Variants in ZNF559 observed in about 807,000 individuals in gnomAD.
ZNF559 encodes the protein putative protein product of Nbla00121.
In ZNF559, 17 loss-of-function variants were observed where a neutral mutation model predicts 14.2. The observed-to-expected ratio is 1.20, with a 90% CI of 0.82 to 1.80. ZNF559 has a LOEUF of 1.80. ZNF559 is among the 40% of genes most tolerant of loss of function. The probability of loss-of-function intolerance (pLI) is 0.00; values close to 1 mark genes in which losing one functional copy is unlikely to be tolerated. For synonymous variants in ZNF559, 244 were observed against 212.4 expected, an observed-to-expected ratio of 1.15 and a Z score of -1.29; for missense variants, 740 against 629.7, an observed-to-expected ratio of 1.18 and a Z score of -1.88.
Position 9,344,741 on chromosome 19 carries a change from C to T in ZNF559, c.*1673C>T, listed in dbSNP as rs2067693885. On this transcript the variant is annotated 3_prime_UTR_variant, in exon 7 of 7. Coordinates refer to ENST00000603380, the MANE Select transcript of ZNF559 (RefSeq NM_032497.3). ...GTCTTTAAAGACTAATGATATTGAA[C>T]ATCACTTTCATATGCTTATGAGTCT... is the stretch of plus-strand genomic sequence containing the variant. The T allele has an allele frequency of 6.6e-6, 1 of 152,158 alleles. No individual in the cohort carries two copies. Among genetic ancestry groups the T allele is most frequent in the South Asian group, 2.1e-4 (1 of 4,838 alleles). 9.4% of individuals were successfully genotyped at this position (152,158 alleles called of 1,614,324 possible). A position where few individuals can be genotyped will look rare whatever the true frequency, so the allele number is the denominator to read the frequency against.
At chr19:9,335,518 C>G (rs927931425) in intron 2 of ZNF559, among the ~76,000 whole-genome samples, 1 of 152,166 alleles carries the variant, frequency 6.6e-6, no homozygotes, top group African/African-American at 2.4e-5. Flanking sequence ...ATGTGTGATT[C>G]AGCATTTCAT....
intron 2 of ZNF559, among the ~76,000 whole-genome samples, chr19:9,325,826 A>G (rs1158427685): frequency 6.6e-6 from 1 of 151,614 alleles, no homozygotes; most frequent in East Asian, 1.9e-4. Context: ...AACTACATTC[A>G]CTAGTTGTTA....
chr19:9,341,155 C>T lies in ZNF559; in HGVS notation c.214C>T (p.Gln72Ter), dbSNP rs1413463305. The change falls in exon 6 of 7, where the codon CAG becomes TAG. Residue 72 changes from glutamine to a stop codon, truncating the protein, a stop_gained. Transcript: ENST00000603380. LOFTEE classifies it low-confidence loss of function (END_TRUNC). The stretch of plus-strand genomic sequence containing the variant: ...GTCAGCACCTCAGCAGAATTTTTTG[C>T]AGGGGAAAACATCCAGTGTGGTGGA... ...KWSAPQQNFL[Q>*]GKTSSVVEME... 1.9e-6 allele frequency: 3 copies of T among 1,613,178 alleles called. No homozygotes were observed. Among genetic ancestry groups the T allele is most frequent in the Admixed American group, 1.7e-5 (1 of 59,844 alleles).
Position 9,342,195 on chromosome 19 carries a change from A to G in ZNF559, c.744A>G (p.Lys248=), listed in dbSNP as rs1292591461. The G allele has an allele frequency of 6.2e-7, 1 of 1,605,046 alleles. No individual in the cohort carries two copies. The highest frequency in any genetic ancestry group is 8.5e-7 in the Non-Finnish European group (1 of 1,177,062). The part of the protein sequence containing the change: ...EKFYECKACG[K]PFTESSYLTQ... Reference sequence around the variant, plus strand: ...TCTATGAATGTAAAGCATGTGGGAAACCCTTCACTGAGTCGTCATATCTTA... The same window carrying G: ...TCTATGAATGTAAAGCATGTGGGAAGCCCTTCACTGAGTCGTCATATCTTA... The change falls in exon 7 of 7, where the codon AAA becomes AAG. Residue 248 remains lysine (K), a synonymous_variant. Coordinates refer to ENST00000603380, the MANE Select transcript of ZNF559 (RefSeq NM_032497.3).
chr19:9,334,592 A>G (rs1369843094), intron 2 of ZNF559, among the ~76,000 whole-genome samples: 4 of 152,354 alleles, frequency 2.6e-5, no homozygotes, highest in South Asian at 2.1e-4. Flanking sequence ...AAGAGGGGCA[A>G]TGATTTAGAT....
chr19:9,325,055 C>T (rs954850685), intron 2 of ZNF559, among the ~76,000 whole-genome samples: 1 of 152,162 alleles, frequency 6.6e-6, no homozygotes. Flanking sequence ...CCCAGGAACA[C>T]GGTGCGGGCT....
intron 5 of ZNF559, among the ~76,000 whole-genome samples, 194 bp from the exon 6 acceptor site, chr19:9,340,908 A>ACC (rs1187207648): frequency 6.6e-6 from 1 of 151,752 alleles, no homozygotes; most frequent in East Asian, 1.9e-4. Flanking sequence ...TACCAACTTG[A>ACC]CCTCAGTACC....
intron 2 of ZNF559, among the ~76,000 whole-genome samples, chr19:9,334,535 A>C (rs945813450): frequency 2.0e-5 from 3 of 152,198 alleles, no homozygotes; most frequent in Non-Finnish European, 4.4e-5. Flanking sequence ...TTAAAAACAG[A>C]CAAAATTAAC....
intron 2 of ZNF559, chr19:9,330,170 T>G (rs935816380): frequency 6.6e-6 from 1 of 152,220 alleles, no homozygotes; most frequent in African/African-American, 2.4e-5. Context: ...TTTGCAAGGT[T>G]TCTGCTGAGA....
intron 2 of ZNF559, among the ~76,000 whole-genome samples, chr19:9,331,496 C>G (rs916869854): frequency 1.3e-5 from 2 of 152,082 alleles, no homozygotes; most frequent in Admixed American, 1.3e-4. Context: ...AGCAGGAGCC[C>G]CTATTCTTAC....
chr19:9,339,908 A>C (rs923064115), intron 5 of ZNF559, among the ~76,000 whole-genome samples: 2 of 147,260 alleles, frequency 1.4e-5, no homozygotes, highest in Non-Finnish European at 3.0e-5. Flanking sequence ...AGCTGGGACT[A>C]CAGGCGCCCA....
At chr19:9,324,822 C>T in intron 2 of ZNF559, 42 bp downstream of exon 2, 1 of 1,504,238 alleles carries the variant, frequency 6.6e-7, no homozygotes, top group South Asian at 1.2e-5. Context: ...GGTGTCGGGT[C>T]TTGAAGTTTA....
At chr19:9,328,334 T>C (rs939410641) in intron 2 of ZNF559, among the ~76,000 whole-genome samples, 1 of 150,974 alleles carries the variant, frequency 6.6e-6, no homozygotes, top group Non-Finnish European at 1.5e-5. Flanking sequence ...TGACATACTA[T>C]TAGGCTTGTT....
At chr19:9,334,045 G>A (rs2067089590) in intron 2 of ZNF559, among the ~76,000 whole-genome samples, 1 of 152,204 alleles carries the variant, frequency 6.6e-6, no homozygotes, top group African/African-American at 2.4e-5. Context: ...AGTGTGTAAA[G>A]TAGAAATATG....
chr19:9,336,194 GTAAATA>G, intron 2 of ZNF559, among the ~76,000 whole-genome samples: 1 of 152,272 alleles, frequency 6.6e-6, no homozygotes, highest in Non-Finnish European at 1.5e-5. Flanking sequence ...TTCTGAGTCT[GTAAATA>G]TACATTTATA....
At chr19:9,339,923 C>T (rs1599345376) in intron 5 of ZNF559, among the ~76,000 whole-genome samples, 2 of 149,178 alleles carry the variant, frequency 1.3e-5, no homozygotes, top group South Asian at 4.3e-4. Context: ...CGCCCACCAC[C>T]ACGCCTGGCT....
Position 9,339,320 on chromosome 19 carries a change from G to A in ZNF559, c.160+1G>A. 1 of 1,610,566 alleles carries A rather than the reference G, an allele frequency of 6.2e-7. No individual in the cohort carries two copies. The highest frequency in any genetic ancestry group is 2.2e-5 in the East Asian group (1 of 44,774). Reference sequence around the variant, plus strand: ...AACTATAAGAATCTAGTTGCAGTAGGTAAGGCTGGTACCATTCTTTTCATT... The same window carrying A: ...AACTATAAGAATCTAGTTGCAGTAGATAAGGCTGGTACCATTCTTTTCATT... On this transcript the variant is annotated splice_donor_variant, in intron 5 of 6. Transcript: ENST00000603380. LOFTEE classifies it high-confidence loss of function.
chr19:9,343,222 A>G lies in ZNF559; in HGVS notation c.*154A>G. On this transcript the variant is annotated 3_prime_UTR_variant, in exon 7 of 7. Transcript: ENST00000603380. The stretch of plus-strand genomic sequence containing the variant: ...ATCTTAACAATTCCAATAGAAGAGA[A>G]GACATATGAATGTAAGGAATGTGGG... 1 of 1,448,886 alleles carries G rather than the reference A, an allele frequency of 6.9e-7. No homozygotes were observed. Among genetic ancestry groups the G allele is most frequent in the South Asian group, 1.5e-5 (1 of 67,722 alleles). The allele number at this position is 1,448,886 out of a possible 1,614,324, so 89.8% of individuals were successfully genotyped here. A position where few individuals can be genotyped will look rare whatever the true frequency, so the allele number is the denominator to read the frequency against.
intron 2 of ZNF559, among the ~76,000 whole-genome samples, chr19:9,326,679 C>T (rs1304654269): frequency 6.6e-6 from 1 of 152,008 alleles, no homozygotes; most frequent in African/African-American, 2.4e-5. Context: ...GCAGCATATC[C>T]AGTTATCAAT....
Sources: allele counts gnomAD v4.1 joint callset (sites outside exome capture counted in the v4.1 genomes callset), GRCh38; gene constraint gnomAD v4.1.1; transcripts MANE v1.5; gene names NCBI Gene and HGNC (gene_info 2026-07-23, HGNC 2026-07-21).